The following FLYWCH1 variants were observed in gnomAD, a reference collection of about 807,000 sequenced individuals.
FLYWCH1 encodes the protein FLYWCH-type zinc finger 1.
Under a neutral mutation model 66.4 loss-of-function variants are expected in FLYWCH1, and 75 were observed. The ratio of observed to expected loss-of-function variants is 1.13; its 90% CI spans 0.94 to 1.37. The LOEUF is 1.37. Among genes scored for constraint, FLYWCH1 ranks in the 40% most tolerant of loss-of-function variants. The pLI, the probability that FLYWCH1 is intolerant of heterozygous loss-of-function variation, is 0.00. For synonymous variants in FLYWCH1, 595 were observed against 429.9 expected (o/e 1.38, Z -4.75); for missense variants, 1,334 against 1,001.8 (o/e 1.33, Z -4.48).
At position 2,940,338 on chromosome 16, in the gene FLYWCH1, C is replaced by A. The variant is rs532140583; in HGVS notation, c.2111+246C>A. Among the ~76,000 whole-genome samples the A allele has an allele frequency of 2.6e-5, 4 of 152,328 alleles. No individual in the cohort carries two copies. In the South Asian group the frequency reaches 8.3e-4, roughly 32 times the overall value. ...CCCCTCCTTGGGCCCACTTGAGCAT[C>A]CTTCACATGACAGCCATGGGACAGA... On this transcript the variant is annotated intron_variant, in intron 9 of 9. Coordinates refer to ENST00000253928, the MANE Select transcript of FLYWCH1 (RefSeq NM_001308068.2).
At chr16:2,922,040 G>T in intron 2 of FLYWCH1, among the ~76,000 whole-genome samples, 1 of 152,190 alleles carries the variant, frequency 6.6e-6, no homozygotes, top group Non-Finnish European at 1.5e-5. Context: ...TCCTGCCTGG[G>T]CAACTGGGTG....
In FLYWCH1 at chr16:2,937,236, G is replaced by A. The variant is rs2071049236; in HGVS notation, c.1629G>A (p.Gln543=). 1 of 1,605,728 alleles carries A rather than the reference G, an allele frequency of 6.2e-7. No homozygotes were observed. Among genetic ancestry groups the A allele is most frequent in the Non-Finnish European group, 8.5e-7 (1 of 1,177,440 alleles). ...GEKVYWTCRD[Q]ARMGCRSRAI... ...AGGTGTATTGGACCTGCCGGGACCAGGCCCGCATGGGCTGCCGCAGCCGCG... is the reference window on the plus strand; with the variant it reads ...AGGTGTATTGGACCTGCCGGGACCAAGCCCGCATGGGCTGCCGCAGCCGCG... The change falls in exon 7 of 10, where the codon CAG becomes CAA. Residue 543 remains glutamine, a synonymous_variant. Transcript: ENST00000253928.
chr16:2,937,042 G>C, intron 6 of FLYWCH1, 79 bp from the exon 7 acceptor site: 1 of 1,229,070 alleles, frequency 8.1e-7, no homozygotes, highest in Non-Finnish European at 1.1e-6. Flanking sequence ...GGCGTTGTGG[G>C]AGGTCTCATC....
At position 2,937,272 on chromosome 16, in the gene FLYWCH1, G is replaced by C. The variant is rs751054677; in HGVS notation, c.1665G>C (p.Gln555His). 1.7e-5 allele frequency: 28 copies of C among 1,605,636 alleles called. No individual in the cohort carries two copies. Among genetic ancestry groups the C allele is most frequent in the Non-Finnish European group, 2.3e-5 (27 of 1,177,344 alleles). Residue 555 changes from glutamine to histidine, a missense_variant, in exon 7 of 10, where the codon CAG (glutamine) becomes CAC (histidine). Transcript: ENST00000253928. The stretch of plus-strand genomic sequence containing the variant: ...GCTGCCGCAGCCGCGCCATCACCCA[G>C]GGCCGGCGGGTCATGGTCATGCGCA... ...RMGCRSRAIT[Q>H]GRRVMVMRRH...
intron 9 of FLYWCH1, 95 bp downstream of exon 9, chr16:2,940,187 T>C: frequency 1.4e-6 from 1 of 702,472 alleles, no homozygotes. Flanking sequence ...CTTTTGTGGG[T>C]CAACATTATG....
chr16:2,950,525 G>A lies in FLYWCH1; in HGVS notation c.*1798G>A, dbSNP rs739795. The A allele has an allele frequency of 8.6e-3, 1,319 of 152,582 alleles. 10 individuals are homozygous for A. The highest frequency in any genetic ancestry group is 0.014 in the Non-Finnish European group (970 of 68,224). 9.5% of individuals were successfully genotyped at this position (152,582 alleles called of 1,614,324 possible). A position where few individuals can be genotyped will look rare whatever the true frequency, so the allele number is the denominator to read the frequency against. ...AAACGCCCGGGTCACAGCAGCCTGA[G>A]TCACTGCAGCCTCTGCTACCTGCCA... On this transcript the variant is annotated 3_prime_UTR_variant, in exon 10 of 10. Coordinates refer to ENST00000253928, the MANE Select transcript of FLYWCH1 (RefSeq NM_001308068.2).
At chr16:2,938,620 T>TGG in intron 8 of FLYWCH1, among the ~76,000 whole-genome samples, 164 bp downstream of exon 8, 1 of 149,940 alleles carries the variant, frequency 6.7e-6, no homozygotes, top group African/African-American at 2.4e-5. Flanking sequence ...TTTTTTTTTT[T>TGG]TTTTTTTTTT....
intron 9 of FLYWCH1, among the ~76,000 whole-genome samples, chr16:2,942,651 A>AGCATCTGTACAGATCAGCCTAAACACG (rs59722912): frequency 6.6e-6 from 1 of 151,158 alleles, no homozygotes; most frequent in African/African-American, 2.4e-5. Flanking sequence ...AATGTAACAC[A>AGCATCTGTACAGATCAGCCTAAACACG]GCAGGCCTGA....
At chr16:2,938,593 T>C in intron 8 of FLYWCH1, 137 bp downstream of exon 8, 1 of 692,814 alleles carries the variant, frequency 1.4e-6, no homozygotes, top group Non-Finnish European at 2.1e-6. Context: ...AAACAGAATG[T>C]GAAACCAGTC....
chr16:2,933,877 G>C lies in FLYWCH1; in HGVS notation c.1411G>C (p.Val471Leu). ...RSRAITQGRR[V>L]TVMRGHCHPP... The stretch of plus-strand genomic sequence containing the variant: ...CCGCGCCATCACCCAGGGCCGACGG[G>C]TGACTGTCATGCGTGGTCACTGCCA... The change falls in exon 6 of 10, where the codon GTG becomes CTG. Residue 471 changes from valine to leucine, a missense_variant. Physicochemically the swap from Val to Leu is conservative, Grantham distance 32 (BLOSUM62 1). Transcript: ENST00000253928. 1 of 1,598,258 alleles carries C rather than the reference G, an allele frequency of 6.3e-7. No homozygotes were observed. Among genetic ancestry groups the C allele is most frequent in the Non-Finnish European group, 8.5e-7 (1 of 1,172,894 alleles).
chr16:2,938,983 C>G (rs2071146053), intron 8 of FLYWCH1, among the ~76,000 whole-genome samples: 1 of 151,924 alleles, frequency 6.6e-6, no homozygotes, highest in Admixed American at 6.6e-5. Context: ...TCTTGGCTCA[C>G]TGCAACCTCT....
At chr16:2,925,574 C>CGG (rs1367590910) in intron 2 of FLYWCH1, among the ~76,000 whole-genome samples, 922 of 16,514 alleles carry the variant, frequency 0.056, 36 homozygotes, top group East Asian at 0.25. Context: ...GGGGGAGTTG[C>CGG]GGGGGGAGGG....
chr16:2,930,432 C>T lies in FLYWCH1; in HGVS notation c.348C>T (p.Phe116=), dbSNP rs764656425. The part of the protein sequence containing the change: ...LDAAAPQSLE[F]LRTPFGGRLL... ...CAGCAGCCCCTCAGTCCCTGGAGTT[C>T]CTGAGGACACCATTCGGGGGCCGCC... The change falls in exon 4 of 10, where the codon TTC becomes TTT. Residue 116 remains phenylalanine (F), a synonymous_variant. Transcript: ENST00000253928. 3 of 1,476,996 alleles carry T rather than the reference C, an allele frequency of 2.0e-6. No individual in the cohort carries two copies. In the African/African-American group the frequency reaches 4.3e-5, roughly 21 times the overall value. The allele number at this position is 1,476,996 out of a possible 1,614,324, so 91.5% of individuals were successfully genotyped here.
chr16:2,944,408 A>AG (rs1038602991), intron 9 of FLYWCH1, among the ~76,000 whole-genome samples: 6 of 150,698 alleles, frequency 4.0e-5, no homozygotes, highest in African/African-American at 1.5e-4. Context: ...AAAAAAAAAA[A>AG]AAAGATCACA....
chr16:2,939,503 T>C (rs1567348479), intron 8 of FLYWCH1, among the ~76,000 whole-genome samples: 2 of 151,646 alleles, frequency 1.3e-5, no homozygotes, highest in Non-Finnish European at 2.9e-5. Flanking sequence ...TGGTGAAACC[T>C]TGAAAGAAAA....
rs778726551 is a variant in FLYWCH1, at chr16:2,938,170, ACTTTCC to A, written c.1778-8_1778-3del. The A allele has an allele frequency of 6.2e-7, 1 of 1,609,238 alleles. No homozygotes were observed. The highest frequency in any genetic ancestry group is 1.7e-5 in the Admixed American group (1 of 59,674). ...CCCCTGTGGCCCCACTCACAGTGTC[ACTTTCC>A]CTTTCAGATCCTCTCCGGCCCCTGG... On this transcript the variant is annotated splice_region_variant and splice_polypyrimidine_tract_variant and intron_variant, in intron 7 of 9. Transcript: ENST00000253928.
At position 2,937,165 on chromosome 16, in the gene FLYWCH1, G is replaced by C; in HGVS notation, c.1558G>C (p.Val520Leu). 6.2e-7 allele frequency: 1 copy of C among 1,609,542 alleles called. No individual in the cohort carries two copies. The highest frequency in any genetic ancestry group is 1.7e-5 in the Admixed American group (1 of 59,544). Reference sequence around the variant, plus strand: ...GACGCCCCTGGGGGGCAGCTTCCTGGTGTACGAGTCCTTCCTCTACCGGCG... The same window carrying C: ...GACGCCCCTGGGGGGCAGCTTCCTGCTGTACGAGTCCTTCCTCTACCGGCG... Reference protein sequence around the residue: ...LKTPLGGSFLVYESFLYRREK... With the variant: ...LKTPLGGSFLLYESFLYRREK... Residue 520 changes from valine to leucine, a missense_variant, in exon 7 of 10, where the codon GTG becomes CTG. Transcript: ENST00000253928.
chr16:2,929,702 C>G lies in FLYWCH1; in HGVS notation c.17C>G (p.Pro6Arg), dbSNP rs2070692884. ...GGTCCCGGGATGCCCCTGCCCGAGC[C>G]CAGCGAGCAGGAGGGCGAGAGTGTG... MPLPE[P>R]SEQEGESVKA... Residue 6 changes from proline to arginine, a missense_variant, in exon 3 of 10, where the codon CCC (proline) becomes CGC (arginine). Pro to Arg is a moderately radical substitution (Grantham distance 103). Coordinates refer to ENST00000253928, the MANE Select transcript of FLYWCH1 (RefSeq NM_001308068.2). 1 of 1,612,262 alleles carries G rather than the reference C, an allele frequency of 6.2e-7. No individual in the cohort carries two copies. The highest frequency in any genetic ancestry group is 8.5e-7 in the Non-Finnish European group (1 of 1,179,238).
chr16:2,921,673 G>C (rs975655478), intron 2 of FLYWCH1, among the ~76,000 whole-genome samples: 1 of 149,190 alleles, frequency 6.7e-6, no homozygotes, highest in Non-Finnish European at 1.5e-5. Context: ...GAGGTGGGAA[G>C]ATGGCTTGAG....
Sources: gnomAD v4.1 joint callset for allele counts (sites outside exome capture counted in the v4.1 genomes callset) on GRCh38, gnomAD v4.1.1 for gene constraint, MANE v1.5 for transcripts, NCBI Gene and HGNC (gene_info 2026-07-23, HGNC 2026-07-21) for gene names.